Variants in ADRA1A observed in about 807,000 individuals in gnomAD.
ADRA1A encodes the protein adrenoceptor alpha 1A.
ADRA1A carries 31 observed loss-of-function variants against 29.6 expected under a neutral mutation model. The ratio of observed to expected loss-of-function variants is 1.05; its 90% CI spans 0.79 to 1.41. The LOEUF (loss-of-function observed/expected upper bound fraction) is 1.41. Among genes scored for constraint, ADRA1A ranks in the 40% most tolerant of loss-of-function variants. The pLI is 0.00. For missense variants in ADRA1A, 619 were observed against 601.1 expected (o/e 1.03, Z -0.31); for synonymous variants, 311 against 254.3 (o/e 1.22, Z -2.12).
chr8:26,757,330 C>T (rs543440058), intron 2 of ADRA1A, among the ~76,000 whole-genome samples: 1 of 152,254 alleles, frequency 6.6e-6, no homozygotes, highest in East Asian at 1.9e-4. Flanking sequence ...GTGAGCTGAG[C>T]TTGCAGTGTG....
chr8:26,757,791 A>C (rs1196751312), intron 2 of ADRA1A, among the ~76,000 whole-genome samples: 1 of 152,106 alleles, frequency 6.6e-6, no homozygotes, highest in Non-Finnish European at 1.5e-5. Flanking sequence ...TTTTGCTTCA[A>C]ATGCTGTACT....
At chr8:26,862,705 C>A (rs1173812597) in intron 2 of ADRA1A, among the ~76,000 whole-genome samples, 2 of 152,226 alleles carry the variant, frequency 1.3e-5, no homozygotes, top group East Asian at 3.8e-4. Context: ...GGCAGCCCTA[C>A]AGGACAGACA....
intron 2 of ADRA1A, among the ~76,000 whole-genome samples, chr8:26,863,017 C>CA (rs61757005): frequency 0.045 from 6,847 of 151,928 alleles, 197 homozygotes; most frequent in Non-Finnish European, 0.06. Context: ...ATAAGTGGCA[C>CA]AAAAAAATAA....
chr8:26,769,378 A>G lies in ADRA1A; in HGVS notation c.*771T>C. ...CTGTTTAATGGATTTTCTCTCTAGT[A>G]GTTAAATTGAAAGAATGATGCTCAG... On this transcript the variant is annotated 3_prime_UTR_variant, in exon 3 of 3. Coordinates refer to ENST00000380573, the MANE Select transcript of ADRA1A (RefSeq NM_000680.4). 2 of 985,462 alleles carry G rather than the reference A, an allele frequency of 2.0e-6. No homozygotes were observed. The highest frequency in any genetic ancestry group is 2.4e-6 in the Non-Finnish European group (2 of 829,934). 61.0% of individuals were successfully genotyped at this position (985,462 alleles called of 1,614,324 possible).
chr8:26,803,589 A>C (rs559135220), intron 2 of ADRA1A, among the ~76,000 whole-genome samples: 1 of 152,356 alleles, frequency 6.6e-6, no homozygotes, highest in African/African-American at 2.4e-5. Flanking sequence ...GCTTGATCAA[A>C]ATGCAAACTT....
intron 2 of ADRA1A, among the ~76,000 whole-genome samples, chr8:26,808,481 C>T (rs1809155757): frequency 6.6e-6 from 1 of 152,108 alleles, no homozygotes; most frequent in East Asian, 1.9e-4. Context: ...GCCTTTTCTT[C>T]TTTGGTGATC....
intron 2 of ADRA1A, among the ~76,000 whole-genome samples, chr8:26,751,252 G>A (rs1013629978): frequency 2.0e-5 from 3 of 152,184 alleles, no homozygotes; most frequent in African/African-American, 4.8e-5. Flanking sequence ...ATGTAATTCT[G>A]AAATGAGTAT....
At chr8:26,828,426 A>G (rs2130636407) in intron 2 of ADRA1A, among the ~76,000 whole-genome samples, 1 of 152,198 alleles carries the variant, frequency 6.6e-6, no homozygotes, top group South Asian at 2.1e-4. Flanking sequence ...CCTTTTCCCT[A>G]TCCCTGTTAA....
Position 26,815,293 on chromosome 8 carries a change from C to T in ADRA1A, c.884-44627G>A, listed in dbSNP as rs1317146471. On this transcript the variant is annotated intron_variant, in intron 2 of 2. Transcript: ENST00000380573. The surrounding 1 kb of genome is among the most constrained non-coding windows in gnomAD (Gnocchi z 4.2). ...CTGAAAACTATTTTGCCAGAGAACA[C>T]CTAGACAGAGTGGAAAAAGTTGATA... Among the ~76,000 whole-genome samples the T allele has an allele frequency of 1.3e-5, 2 of 152,136 alleles. No individual in the cohort carries two copies. The highest frequency in any genetic ancestry group is 6.5e-5 in the Admixed American group (1 of 15,280).
In ADRA1A at chr8:26,806,800, A is replaced by G. The variant is rs1251733753; in HGVS notation, c.884-36134T>C. On this transcript the variant is annotated intron_variant, in intron 2 of 2. Transcript: ENST00000380573. This position sits in a 1 kb window ranked among gnomAD's most constrained non-coding sequence, Gnocchi z 4.6. ...GCTGCTAGAAGTGGCCTCATGGAAC[A>G]TCCTAGAAAAGGAGAACCAGCCACA... 6.6e-6 allele frequency among the ~76,000 whole-genome samples: 1 copy of G among 152,162 alleles called. No individual in the cohort carries two copies. Among genetic ancestry groups the G allele is most frequent in the Admixed American group, 6.5e-5 (1 of 15,270 alleles).
intron 2 of ADRA1A, among the ~76,000 whole-genome samples, chr8:26,849,550 G>T (rs1368134340): frequency 6.6e-6 from 1 of 152,194 alleles, no homozygotes; most frequent in East Asian, 1.9e-4. Flanking sequence ...CTGTACTCTG[G>T]CAGATTCGAA....
At chr8:26,792,174 T>C (rs1217365910) in intron 2 of ADRA1A, among the ~76,000 whole-genome samples, 1 of 152,146 alleles carries the variant, frequency 6.6e-6, no homozygotes, top group Non-Finnish European at 1.5e-5. Context: ...CTTTAATCAT[T>C]GCAATCTACA....
intron 2 of ADRA1A, among the ~76,000 whole-genome samples, chr8:26,845,230 C>A (rs774653417): frequency 3.9e-5 from 6 of 152,254 alleles, no homozygotes; most frequent in Non-Finnish European, 5.9e-5. Flanking sequence ...ATAACCCCTG[C>A]AACTCAACAA....
chr8:26,790,079 C>A (rs1807707573), intron 2 of ADRA1A, among the ~76,000 whole-genome samples: 1 of 152,120 alleles, frequency 6.6e-6, no homozygotes, highest in Non-Finnish European at 1.5e-5. Context: ...AGTAGAACTA[C>A]CATGATCCAG....
intron 2 of ADRA1A, among the ~76,000 whole-genome samples, chr8:26,827,804 T>C (rs1048191948): frequency 4.6e-5 from 7 of 152,196 alleles, no homozygotes; most frequent in African/African-American, 1.7e-4. Context: ...GTGATTAGGT[T>C]TCAACATACA....
chr8:26,766,026 GC>G (rs772700723), downstream of ADRA1A: 67 of 1,612,814 alleles, frequency 4.2e-5, no homozygotes, highest in Non-Finnish European at 8.5e-7. Flanking sequence ...TTTGCAGACT[GC>G]CTAGGTCTCC....
chr8:26,828,931 C>T (rs1810783486), intron 2 of ADRA1A, among the ~76,000 whole-genome samples: 1 of 152,160 alleles, frequency 6.6e-6, no homozygotes, highest in African/African-American at 2.4e-5. Context: ...ATCGCTTAAT[C>T]TTAGGATTCT....
At chr8:26,798,431 C>T (rs148653926) in intron 2 of ADRA1A, among the ~76,000 whole-genome samples, 5 of 152,126 alleles carry the variant, frequency 3.3e-5, no homozygotes, top group South Asian at 2.1e-4. Flanking sequence ...TAAGCAGATC[C>T]GAATATACTT....
chr8:26,819,916 T>C (rs1054005723), intron 2 of ADRA1A, among the ~76,000 whole-genome samples: 1 of 152,122 alleles, frequency 6.6e-6, no homozygotes, highest in African/African-American at 2.4e-5. Flanking sequence ...AAAAAAGATA[T>C]TGCATGTAAG....
Sources: gnomAD v4.1 joint callset for allele counts (sites outside exome capture counted in the v4.1 genomes callset) on GRCh38, gnomAD v4.1.1 for gene constraint, Gnocchi (gnomAD v3.1) non-coding constraint, MANE v1.5 for transcripts, NCBI Gene and HGNC (gene_info 2026-07-23, HGNC 2026-07-21) for gene names.